SNX19: variants seen among roughly 807,000 people sequenced by gnomAD.
The protein encoded by SNX19 is sorting nexin-19.
In SNX19, 60 loss-of-function variants were observed where a neutral mutation model predicts 85.2. The ratio of observed to expected loss-of-function variants is 0.70; its 90% CI spans 0.57 to 0.87. The LOEUF (loss-of-function observed/expected upper bound fraction) is 0.87, where lower values mean the gene tolerates loss of function less well. Ranked by LOEUF, SNX19 falls within the 40% of genes least tolerant of loss-of-function variation. The pLI, the probability that SNX19 is intolerant of heterozygous loss-of-function variation, is 0.00. For synonymous variants in SNX19, 520 were observed against 470.0 expected, an observed-to-expected ratio of 1.11 and a Z score of -1.38; for missense variants, 1,201 against 1,217.8, an observed-to-expected ratio of 0.99 and a Z score of 0.21.
chr11:130,886,149 T>G (rs1944050827), intron 8 of SNX19, among the ~76,000 whole-genome samples: 1 of 152,190 alleles, frequency 6.6e-6, no homozygotes, highest in South Asian at 2.1e-4. Flanking sequence ...TCACAGTCAT[T>G]TTAAACCTCA....
intron 2 of SNX19, 71 bp from the exon 3 acceptor site, chr11:130,910,441 T>A (rs1263658713): frequency 3.5e-6 from 4 of 1,149,898 alleles, no homozygotes; most frequent in Non-Finnish European, 5.0e-6. Flanking sequence ...ATATAAAACA[T>A]ATAAAGAAAA....
chr11:130,902,077 C>T (rs1226268385), intron 8 of SNX19, among the ~76,000 whole-genome samples: 1 of 152,176 alleles, frequency 6.6e-6, no homozygotes, highest in African/African-American at 2.4e-5. Context: ...ATGAAAAAAG[C>T]ACATTGGCTT....
Position 130,905,937 on chromosome 11 carries a change from A to C in SNX19, c.2443+16T>G, listed in dbSNP as rs768593030. ...CTGGCTCCCTTCTCCATGGGAGCAG[A>C]GACCTCGCCACTCACCTGGATCGCT... is the stretch of plus-strand genomic sequence containing the variant. On this transcript the variant is annotated intron_variant, in intron 7 of 10. Coordinates refer to ENST00000265909, the MANE Select transcript of SNX19 (RefSeq NM_014758.3). 3.7e-6 allele frequency: 6 copies of C among 1,614,240 alleles called. No homozygotes were observed. Among genetic ancestry groups the C allele is most frequent in the Non-Finnish European group, 5.1e-6 (6 of 1,180,044 alleles).
rs1401027557 is a variant in SNX19, at chr11:130,914,423, G to C, written c.1517C>G (p.Ser506Cys). The C allele has an allele frequency of 1.9e-5, 30 of 1,613,852 alleles. No homozygotes were observed. Among genetic ancestry groups the C allele is most frequent in the Non-Finnish European group, 2.5e-5 (30 of 1,179,872 alleles). Residue 506 changes from serine (S) to cysteine (C), a missense_variant, in exon 1 of 11, where the codon TCT (serine) becomes TGT (cysteine). By Grantham distance (112) the Ser-to-Cys change is moderately radical. Transcript: ENST00000265909. The stretch of plus-strand genomic sequence containing the variant: ...GGCTGAGCTGAGAGGACCAGGTGGA[G>C]AGGAGGAAAGCAGAACTGGTGGCAG... ...PTLPPVLLSS[S>C]PPGPLSSATF...
At position 130,881,549 on chromosome 11, in the gene SNX19, G is replaced by A. The variant is rs546847730; in HGVS notation, c.2574-743C>T. On this transcript the variant is annotated intron_variant, in intron 8 of 10. Coordinates refer to ENST00000265909, the MANE Select transcript of SNX19 (RefSeq NM_014758.3). ...ATGTACACACAGACTTCACAGCTAC[G>A]GACTTAGCGATCTTTAAACAAATTC... 1.8e-4 allele frequency among the ~76,000 whole-genome samples: 27 copies of A among 152,274 alleles called. 1 individual carries two copies. The South Asian group carries it at 2.7e-3, about 15-fold the overall frequency.
chr11:130,892,352 T>A (rs1412792050), intron 8 of SNX19, among the ~76,000 whole-genome samples: 2 of 152,120 alleles, frequency 1.3e-5, no homozygotes, highest in African/African-American at 2.4e-5. Flanking sequence ...CTCTCTGAGC[T>A]CTGGCTTCCT....
At chr11:130,900,597 C>G (rs918712906) in intron 8 of SNX19, among the ~76,000 whole-genome samples, 1 of 152,112 alleles carries the variant, frequency 6.6e-6, no homozygotes, top group African/African-American at 2.4e-5. Context: ...AACTTCAGGT[C>G]AACTTTTTCC....
At chr11:130,885,463 G>A (rs1447803466) in intron 8 of SNX19, among the ~76,000 whole-genome samples, 3 of 152,230 alleles carry the variant, frequency 2.0e-5, no homozygotes, top group Non-Finnish European at 4.4e-5. Context: ...CAAATCTCAT[G>A]AGTAAGGAGA....
chr11:130,894,315 T>G (rs1352696679), intron 8 of SNX19, among the ~76,000 whole-genome samples: 1 of 152,162 alleles, frequency 6.6e-6, no homozygotes, highest in Non-Finnish European at 1.5e-5. Flanking sequence ...ACGGGTGGGA[T>G]CCACTCAAAG....
At chr11:130,891,943 T>C (rs1330550744) in intron 8 of SNX19, among the ~76,000 whole-genome samples, 1 of 150,584 alleles carries the variant, frequency 6.6e-6, no homozygotes, top group African/African-American at 2.4e-5. Context: ...TGGGTTCAAG[T>C]GATTCTCTTG....
In SNX19 at chr11:130,915,174, CT is replaced by C. The variant is rs771723399; in HGVS notation, c.765del (p.Asp256IlefsTer38). The C allele has an allele frequency of 1.1e-5, 18 of 1,614,222 alleles. No individual in the cohort carries two copies. The South Asian group carries it at 2.0e-4, about 18-fold the overall frequency. ...AGTACAAGGTGGATCCAGTCAGGAT[CT>C]GACAGCCTGCTGATCAGTGGTAAGA... The part of the protein sequence containing the change: ...NVILPLISRL[S>X]DPDWIHLVLV... On this transcript the variant is annotated frameshift_variant, in exon 1 of 11. Transcript: ENST00000265909. LOFTEE classifies it high-confidence loss of function.
intron 4 of SNX19, among the ~76,000 whole-genome samples, chr11:130,908,997 G>A (rs1295740815): frequency 6.6e-6 from 1 of 152,218 alleles, no homozygotes; most frequent in Non-Finnish European, 1.5e-5. Flanking sequence ...CTACAGTAAA[G>A]ACTGGGGGAG....
At chr11:130,882,076 G>T (rs946187706) in intron 8 of SNX19, among the ~76,000 whole-genome samples, 1 of 152,174 alleles carries the variant, frequency 6.6e-6, no homozygotes, top group African/African-American at 2.4e-5. Context: ...TGAGGGGGAA[G>T]ATATACCAAA....
At chr11:130,892,710 A>C (rs1157621753) in intron 8 of SNX19, 2 of 152,220 alleles carry the variant, frequency 1.3e-5, no homozygotes, top group African/African-American at 2.4e-5. Context: ...TGAAAACTCT[A>C]TTTCCGAATC....
chr11:130,912,443 CAA>C (rs1160135071), intron 1 of SNX19, among the ~76,000 whole-genome samples: 1 of 152,176 alleles, frequency 6.6e-6, no homozygotes, highest in East Asian at 1.9e-4. Context: ...TCATGTTCCC[CAA>C]AGAGTGAATA....
At chr11:130,904,536 G>A (rs58865823) in intron 7 of SNX19, among the ~76,000 whole-genome samples, 8,764 of 152,228 alleles carry the variant, frequency 0.058, 835 homozygotes, top group African/African-American at 0.2. Flanking sequence ...TTCCTTGGGA[G>A]ACAGCATCAT....
At chr11:130,882,275 CG>C (rs1321161889) in intron 8 of SNX19, among the ~76,000 whole-genome samples, 1 of 152,202 alleles carries the variant, frequency 6.6e-6, no homozygotes, top group Non-Finnish European at 1.5e-5. Context: ...TATTCATGCA[CG>C]GAAGACTCGT....
At chr11:130,899,047 T>C (rs945869137) in intron 8 of SNX19, among the ~76,000 whole-genome samples, 2 of 152,218 alleles carry the variant, frequency 1.3e-5, no homozygotes, top group Non-Finnish European at 2.9e-5. Context: ...TTGTAAACCT[T>C]AGTTTCCTTG....
chr11:130,916,027 G>A lies in SNX19; in HGVS notation c.-88C>T. ...GAAGGGGGGCATGAACTGTGTCTCAGATATGGGGCGATCTGGGTGCTGTTC... is the reference window on the plus strand; with the variant it reads ...GAAGGGGGGCATGAACTGTGTCTCAAATATGGGGCGATCTGGGTGCTGTTC... On this transcript the variant is annotated 5_prime_UTR_variant, in exon 1 of 11. Coordinates refer to ENST00000265909, the MANE Select transcript of SNX19 (RefSeq NM_014758.3). 8.3e-7 allele frequency: 1 copy of A among 1,206,448 alleles called. No individual in the cohort carries two copies. Among genetic ancestry groups the A allele is most frequent in the Non-Finnish European group, 1.2e-6 (1 of 857,584 alleles). 74.7% of individuals were successfully genotyped at this position (1,206,448 alleles called of 1,614,324 possible). A position where few individuals can be genotyped will look rare whatever the true frequency, so the allele number is the denominator to read the frequency against.
Sources: allele counts gnomAD v4.1 joint callset (sites outside exome capture counted in the v4.1 genomes callset), GRCh38; gene constraint gnomAD v4.1.1; transcripts MANE v1.5; gene names NCBI Gene and HGNC (gene_info 2026-07-23, HGNC 2026-07-21).